EIF5A: variants seen among roughly 807,000 people sequenced by gnomAD.
The protein encoded by EIF5A is eukaryotic translation initiation factor 5A-1.
In EIF5A, 1 loss-of-function variant was observed where a neutral mutation model predicts 16.6. The ratio of observed to expected loss-of-function variants is 0.06; its 90% CI spans 0.02 to 0.28. The LOEUF is 0.28. Ranked by LOEUF, EIF5A falls within the 10% of genes least tolerant of loss-of-function variation. The pLI is 1.00. For synonymous variants in EIF5A, 80 were observed against 73.6 expected (o/e 1.09, Z -0.44); for missense variants, 29 against 196.1 (o/e 0.15, Z 5.09).
At chr17:7,307,058 T>C, upstream of EIF5A, 1 of 1,602,280 alleles carries the variant, frequency 6.2e-7, no homozygotes, top group South Asian at 1.1e-5. Context: ...TGTGTGGAAC[T>C]GGGGGGACTG....
At chr17:7,310,704 C>T (rs1033102942) in intron 2 of EIF5A, 1 of 985,288 alleles carries the variant, frequency 1.0e-6, no homozygotes, top group African/African-American at 1.7e-5. Context: ...CTCTTCGAAA[C>T]TTTTACTCAG....
intron 1 of EIF5A, chr17:7,308,053 C>T: frequency 1.0e-6 from 1 of 985,272 alleles, no homozygotes; most frequent in Non-Finnish European, 1.2e-6. Context: ...GGGGCCAGAT[C>T]GGCCCACCGG....
chr17:7,308,113 G>C, intron 1 of EIF5A: 1 of 1,000,458 alleles, frequency 1.0e-6, no homozygotes, highest in African/African-American at 1.8e-5. Context: ...GGCCACGTGA[G>C]GTGGGGGAGG....
intron 1 of EIF5A, among the ~76,000 whole-genome samples, chr17:7,309,058 A>G (rs1189132625): frequency 6.7e-6 from 1 of 150,278 alleles, no homozygotes; most frequent in African/African-American, 2.5e-5. Context: ...TTGCAAGTGC[A>G]TGTTGGCGAG....
At chr17:7,310,977 T>TA (rs1491383757) in intron 2 of EIF5A, 41 bp from the exon 3 acceptor site, 3 of 1,586,992 alleles carry the variant, frequency 1.9e-6, no homozygotes, top group Middle Eastern at 1.9e-4. Flanking sequence ...TCCTCCGTTT[T>TA]AGAGTTTGGT....
At chr17:7,310,573 A>G (rs1007605) in intron 2 of EIF5A, 500,226 of 1,071,022 alleles carry the variant, frequency 0.47, 121,938 homozygotes, top group South Asian at 0.55. Context: ...CTACATAGTT[A>G]TTTCTGATCT....
chr17:7,308,353 G>T, intron 1 of EIF5A: 1 of 1,174,990 alleles, frequency 8.5e-7, no homozygotes, highest in East Asian at 7.2e-5. Flanking sequence ...CCGGAAGCCC[G>T]GAACGGCCAC....
In EIF5A at chr17:7,308,238, AAGT is replaced by A. The variant is rs1320127714; in HGVS notation, c.-22+487_-22+489del. The A allele has an allele frequency of 1.8e-4, 186 of 1,024,408 alleles. 1 individual carries two copies. The African/African-American group carries it at 3.1e-3, about 17-fold the overall frequency. The allele number at this position is 1,024,408 out of a possible 1,614,324, so 63.5% of individuals were successfully genotyped here. A position where few individuals can be genotyped will look rare whatever the true frequency, so the allele number is the denominator to read the frequency against. On this transcript the variant is annotated intron_variant, in intron 1 of 5. Transcript: ENST00000336458. ...GAGGAGGGGGCGGCCGCGGCACCGG[AAGT>A]GCCCCCCACGGGAGGCTGCCCTCGG... is the stretch of plus-strand genomic sequence containing the variant.
intron 1 of EIF5A, chr17:7,308,101 G>A: frequency 2.0e-6 from 2 of 994,260 alleles, no homozygotes; most frequent in Non-Finnish European, 2.4e-6. Context: ...CCGGCTCAGC[G>A]CGGCCACGTG....
rs907596177 is a variant in EIF5A at position 7,311,873 on chromosome 17, C to G, written c.*63C>G. ...TCTGAACCTGCAGAGGCCCCCTCCCCGAGCCTGGCCTGGCTCTGGCCCGGT... is the reference window on the plus strand; with the variant it reads ...TCTGAACCTGCAGAGGCCCCCTCCCGGAGCCTGGCCTGGCTCTGGCCCGGT... On this transcript the variant is annotated 3_prime_UTR_variant, in exon 6 of 6. Transcript: ENST00000336458. The G allele has an allele frequency of 4.6e-6, 3 of 649,150 alleles. No individual in the cohort carries two copies. The highest frequency in any genetic ancestry group is 5.6e-5 in the East Asian group (2 of 35,904). The allele number at this position is 649,150 out of a possible 1,614,324, so 40.2% of individuals were successfully genotyped here. A position where few individuals can be genotyped will look rare whatever the true frequency, so the allele number is the denominator to read the frequency against.
intron 1 of EIF5A, 184 bp downstream of exon 1, chr17:7,307,936 G>A: frequency 1.0e-6 from 1 of 985,022 alleles, no homozygotes; most frequent in Non-Finnish European, 1.2e-6. Context: ...CGGGGTGACG[G>A]TTGGGGTTGG....
At chr17:7,310,970 TC>T in intron 2 of EIF5A, 47 bp from the exon 3 acceptor site, 1 of 1,569,404 alleles carries the variant, frequency 6.4e-7, no homozygotes, top group Non-Finnish European at 8.7e-7. Context: ...CTTTATTTCC[TC>T]CGTTTTAGAG....
chr17:7,310,850 C>A (rs917029238), intron 2 of EIF5A, 168 bp from the exon 3 acceptor site: 4 of 985,100 alleles, frequency 4.1e-6, no homozygotes, highest in East Asian at 1.1e-4. Flanking sequence ...TGTTTTTTTT[C>A]TTTAAGAGGC....
At chr17:7,310,718 C>T in intron 2 of EIF5A, 2 of 985,436 alleles carry the variant, frequency 2.0e-6, no homozygotes, top group Middle Eastern at 5.2e-4. Context: ...TACTCAGACT[C>T]CTCCCACTCC....
At chr17:7,308,349 GC>G in intron 1 of EIF5A, 1 of 1,174,808 alleles carries the variant, frequency 8.5e-7, no homozygotes, top group South Asian at 1.6e-5. Flanking sequence ...GCCACCGGAA[GC>G]CCGGAACGGC....
chr17:7,308,057 C>T (rs977131264), intron 1 of EIF5A: 15 of 986,528 alleles, frequency 1.5e-5, no homozygotes, highest in Non-Finnish European at 1.8e-5. Context: ...CCAGATCGGC[C>T]CACCGGGGCA....
At chr17:7,311,318 T>C (rs368459250) in intron 3 of EIF5A, 32 bp from the exon 4 acceptor site, 2 of 1,613,784 alleles carry the variant, frequency 1.2e-6, no homozygotes, top group African/African-American at 2.7e-5. Context: ...CTGGGCCTAC[T>C]ACCTTCAGCC....
chr17:7,311,216 G>C, intron 3 of EIF5A, 94 bp downstream of exon 3: 1 of 1,578,264 alleles, frequency 6.3e-7, no homozygotes, highest in Non-Finnish European at 8.6e-7. Context: ...TGTGCTGGGA[G>C]AGAGGAGGGA....
At chr17:7,310,968 C>G (rs558975625) in intron 2 of EIF5A, 50 bp from the exon 3 acceptor site, 31 of 1,566,842 alleles carry the variant, frequency 2.0e-5, no homozygotes, top group Non-Finnish European at 2.6e-5. Context: ...GCCTTTATTT[C>G]CTCCGTTTTA....
Sources: gnomAD v4.1 joint callset for allele counts (sites outside exome capture counted in the v4.1 genomes callset) on GRCh38, gnomAD v4.1.1 for gene constraint, MANE v1.5 for transcripts, NCBI Gene and HGNC (gene_info 2026-07-23, HGNC 2026-07-21) for gene names.